The following AKAP6 variants were observed in gnomAD, a reference collection of about 807,000 sequenced individuals.
The protein encoded by AKAP6 is A-kinase anchoring protein 6.
A neutral mutation model predicts 188.5 loss-of-function variants in AKAP6; 58 were observed. The observed-to-expected ratio is 0.31, with a 90% CI of 0.25 to 0.38. The LOEUF (loss-of-function observed/expected upper bound fraction) is 0.38, where lower values mean the gene tolerates loss of function less well. Among genes scored for constraint, AKAP6 ranks in the 10% least tolerant of loss-of-function variants. AKAP6 has a pLI of 1.00. For missense variants in AKAP6, 2,710 were observed against 2,740.0 expected (o/e 0.99, Z 0.24); for synonymous variants, 989 against 998.6 (o/e 0.99, Z 0.18).
intron 2 of AKAP6, among the ~76,000 whole-genome samples, chr14:32,530,257 G>C (rs890492135): frequency 6.6e-6 from 1 of 152,056 alleles, no homozygotes; most frequent in African/African-American, 2.4e-5. Context: ...GAACTCCTGA[G>C]TCCAAGCAAT....
intron 1 of AKAP6, among the ~76,000 whole-genome samples, chr14:32,363,355 T>A (rs140400829): frequency 1.1e-3 from 164 of 152,260 alleles, no homozygotes; most frequent in Non-Finnish European, 1.5e-3. Context: ...GATGTATATA[T>A]GAAAGGGAGT....
chr14:32,352,036 C>T (rs1483079538), intron 1 of AKAP6, among the ~76,000 whole-genome samples: 1 of 150,882 alleles, frequency 6.6e-6, no homozygotes, highest in Non-Finnish European at 1.5e-5. Context: ...AGTTTCACAG[C>T]TGTGGGCACT....
intron 7 of AKAP6, among the ~76,000 whole-genome samples, chr14:32,601,573 T>C (rs1885929437): frequency 6.6e-6 from 1 of 152,252 alleles, no homozygotes; most frequent in Admixed American, 6.5e-5. Flanking sequence ...TCCTTTCTTT[T>C]GCATCTGCTC....
intron 2 of AKAP6, among the ~76,000 whole-genome samples, chr14:32,477,858 C>T (rs1879150554): frequency 6.6e-6 from 1 of 152,180 alleles, no homozygotes; most frequent in African/African-American, 2.4e-5. Flanking sequence ...GCCTCATTTT[C>T]TTCTTCTGTA....
chr14:32,469,077 C>T (rs796222452), intron 2 of AKAP6, among the ~76,000 whole-genome samples: 15 of 152,284 alleles, frequency 9.9e-5, no homozygotes, highest in Admixed American at 3.3e-4. Context: ...TGTCATACCT[C>T]CCTGACTCAT....
chr14:32,739,200 TG>T (rs2031567507), intron 11 of AKAP6, among the ~76,000 whole-genome samples: 1 of 66,428 alleles, frequency 1.5e-5, no homozygotes, highest in South Asian at 1.1e-3. Flanking sequence ...TAGTATGATC[TG>T]CTATTTATAT....
intron 5 of AKAP6, 22 bp downstream of exon 5, chr14:32,577,264 T>A: frequency 6.2e-7 from 1 of 1,602,168 alleles, no homozygotes; most frequent in East Asian, 2.2e-5. Flanking sequence ...TGTGTTGTTC[T>A]TGCTGTCAAT....
At chr14:32,563,157 G>A (rs55715808) in intron 4 of AKAP6, among the ~76,000 whole-genome samples, 6 of 152,146 alleles carry the variant, frequency 3.9e-5, no homozygotes, top group Admixed American at 6.5e-5. Context: ...GATTTCTGGG[G>A]GAATGCATAT....
intron 7 of AKAP6, among the ~76,000 whole-genome samples, chr14:32,610,134 A>G (rs1886295363): frequency 6.6e-6 from 1 of 152,154 alleles, no homozygotes; most frequent in Non-Finnish European, 1.5e-5. Flanking sequence ...CAACAATGCC[A>G]GGAGTCCTAA....
chr14:32,813,873 GA>G lies in AKAP6; in HGVS notation c.3589-7528del, dbSNP rs1221290766. 2.7e-5 allele frequency among the ~76,000 whole-genome samples: 3 copies of G among 110,488 alleles called. No homozygotes were observed. The East Asian group carries it at 7.6e-4, about 28-fold the overall frequency. The allele number at this position is 110,488 out of a possible 152,430, so 72.5% of individuals were successfully genotyped here. ...ACAAAATCAAATTCAAAAGTGATAGGATTTTTTTTTTTTTTTTGCAGGGGGC... is the reference window on the plus strand; with the variant it reads ...ACAAAATCAAATTCAAAAGTGATAGGTTTTTTTTTTTTTTTTGCAGGGGGC... On this transcript the variant is annotated intron_variant, in intron 12 of 13. Coordinates refer to ENST00000280979, the MANE Select transcript of AKAP6 (RefSeq NM_004274.5).
Position 32,423,129 on chromosome 14 carries a change from A to G in AKAP6, c.-34-10331A>G, listed in dbSNP as rs369572650. Among the ~76,000 whole-genome samples, 6 of 152,146 alleles carry G rather than the reference A, an allele frequency of 3.9e-5. No individual in the cohort carries two copies. In the South Asian group the frequency reaches 1.0e-3, roughly 26 times the overall value. On this transcript the variant is annotated intron_variant, in intron 1 of 13. Coordinates refer to ENST00000280979, the MANE Select transcript of AKAP6 (RefSeq NM_004274.5). Reference sequence around the variant, plus strand: ...ATTAGGTCTGTGTATTCAGTTGGCCATCTTTAATCAGAAATTGCCCAGGCC... The same window carrying G: ...ATTAGGTCTGTGTATTCAGTTGGCCGTCTTTAATCAGAAATTGCCCAGGCC...
chr14:32,469,935 A>G (rs1878681175), intron 2 of AKAP6, among the ~76,000 whole-genome samples: 1 of 152,194 alleles, frequency 6.6e-6, no homozygotes, highest in Admixed American at 6.6e-5. Context: ...CTAATAAAAT[A>G]GGCTGTAGAT....
chr14:32,521,373 A>G (rs1454905291), intron 2 of AKAP6, among the ~76,000 whole-genome samples: 1 of 152,164 alleles, frequency 6.6e-6, no homozygotes, highest in Non-Finnish European at 1.5e-5. Context: ...AGGGTATTCA[A>G]TTAGGAAAAG....
chr14:32,626,387 T>A (rs191929476), intron 7 of AKAP6, among the ~76,000 whole-genome samples: 2 of 152,068 alleles, frequency 1.3e-5, no homozygotes, highest in Non-Finnish European at 2.9e-5. Flanking sequence ...TACTAATCAC[T>A]CTACCTTCAT....
At chr14:32,394,426 G>A (rs1888807906) in intron 1 of AKAP6, among the ~76,000 whole-genome samples, 1 of 152,154 alleles carries the variant, frequency 6.6e-6, no homozygotes, top group African/African-American at 2.4e-5. Context: ...AGTAGAGTAC[G>A]ACCTGTGGTC....
chr14:32,546,576 A>G lies in AKAP6; in HGVS notation c.1923A>G (p.Glu641=). The G allele has an allele frequency of 6.2e-7, 1 of 1,614,200 alleles. No homozygotes were observed. Among genetic ancestry groups the G allele is most frequent in the Non-Finnish European group, 8.5e-7 (1 of 1,180,028 alleles). The change falls in exon 4 of 14, where the codon GAA becomes GAG. Residue 641 remains glutamate, a synonymous_variant. Transcript: ENST00000280979. Reference sequence around the variant, plus strand: ...TGCCCTCTCACCTTAAGCAGACAGAAGTATTGGCTTTGAAGTTGGAAAACC... The same window carrying G: ...TGCCCTCTCACCTTAAGCAGACAGAGGTATTGGCTTTGAAGTTGGAAAACC... ...LALPSHLKQT[E]VLALKLENLT...
rs77172119 is a variant in AKAP6, at chr14:32,764,392, G to A, written c.3373-9286G>A. ...CCTGTGAAGATTGGACCTCTAAAAA[G>A]GTTCAATCTCCTTCCCTTTGCAGAA... On this transcript the variant is annotated intron_variant, in intron 11 of 13. Transcript: ENST00000280979. Among the ~76,000 whole-genome samples, 1,292 of 152,226 alleles carry A rather than the reference G, an allele frequency of 8.5e-3. 11 individuals carry two copies. Among genetic ancestry groups the A allele is most frequent in the Non-Finnish European group, 0.014 (950 of 68,004 alleles).
intron 2 of AKAP6, among the ~76,000 whole-genome samples, chr14:32,509,416 T>C (rs1881057292): frequency 6.6e-6 from 1 of 152,156 alleles, no homozygotes; most frequent in Middle Eastern, 3.2e-3. Flanking sequence ...TACCAAGCAT[T>C]GTTTGGGGCT....
intron 7 of AKAP6, among the ~76,000 whole-genome samples, chr14:32,622,341 GT>G (rs1434316660): frequency 1.3e-5 from 2 of 151,798 alleles, no homozygotes; most frequent in African/African-American, 2.4e-5. Context: ...AAACTTTAAT[GT>G]TTTTTTCAAG....
Sources: allele counts gnomAD v4.1 joint callset (sites outside exome capture counted in the v4.1 genomes callset), GRCh38; gene constraint gnomAD v4.1.1; transcripts MANE v1.5; gene names NCBI Gene and HGNC (gene_info 2026-07-23, HGNC 2026-07-21).